JARID2: variants seen among roughly 807,000 people sequenced by gnomAD.
JARID2 encodes protein Jumonji.
JARID2 carries 21 observed loss-of-function variants against 125.6 expected under a neutral mutation model. That is an observed-to-expected ratio of 0.17 (90% confidence interval 0.12 to 0.24). The LOEUF is 0.24. Among genes scored for constraint, JARID2 ranks in the 10% least tolerant of loss-of-function variants. The pLI is 1.00. For synonymous variants in JARID2, 736 were observed against 661.6 expected, an observed-to-expected ratio of 1.11 and a Z score of -1.73; for missense variants, 1,303 against 1,639.6, an observed-to-expected ratio of 0.79 and a Z score of 3.55.
intron 1 of JARID2, among the ~76,000 whole-genome samples, chr6:15,322,053 G>A (rs945901212): frequency 5.3e-5 from 8 of 152,238 alleles, no homozygotes; most frequent in African/African-American, 1.4e-4. Context: ...CCAAAGTGCT[G>A]TAATTACAGG....
At chr6:15,519,579 A>G (rs1045254903) in intron 17 of JARID2, among the ~76,000 whole-genome samples, 68 of 152,350 alleles carry the variant, frequency 4.5e-4, no homozygotes, top group Middle Eastern at 3.4e-3. Flanking sequence ...AGTTACAAAC[A>G]CAGTTTTTGG....
intron 1 of JARID2, among the ~76,000 whole-genome samples, chr6:15,314,109 C>G (rs1036396534): frequency 1.3e-5 from 2 of 152,088 alleles, no homozygotes; most frequent in Non-Finnish European, 2.9e-5. Context: ...GTCAAAGGGA[C>G]GGGCTTAAGG....
chr6:15,393,046 A>T (rs1765083391), intron 2 of JARID2, among the ~76,000 whole-genome samples: 1 of 152,132 alleles, frequency 6.6e-6, no homozygotes, highest in Non-Finnish European at 1.5e-5. Flanking sequence ...GCGTGGATAG[A>T]GGCTATCAGT....
intron 3 of JARID2, among the ~76,000 whole-genome samples, chr6:15,439,114 A>G (rs891210083): frequency 6.6e-6 from 1 of 152,136 alleles, no homozygotes; most frequent in African/African-American, 2.4e-5. Context: ...ACCCAGCTAC[A>G]GTGCCTCTCA....
intron 1 of JARID2, among the ~76,000 whole-genome samples, chr6:15,335,070 T>C (rs1390209463): frequency 2.6e-5 from 4 of 152,190 alleles, no homozygotes; most frequent in Non-Finnish European, 4.4e-5. Context: ...CCAGGGGATA[T>C]TCAGTCCACA....
intron 1 of JARID2, among the ~76,000 whole-genome samples, chr6:15,265,933 A>G (rs1192713525): frequency 2.0e-5 from 3 of 152,086 alleles, no homozygotes; most frequent in Non-Finnish European, 4.4e-5. Flanking sequence ...TACGGTTTTG[A>G]AAGTGGAGCT....
intron 5 of JARID2, among the ~76,000 whole-genome samples, chr6:15,469,408 C>T (rs1465272573): frequency 1.9e-5 from 2 of 107,148 alleles, no homozygotes; most frequent in Middle Eastern, 4.9e-3. Flanking sequence ...CCCTCTCCCC[C>T]TCTCCGCTTC....
chr6:15,321,364 G>A (rs564623138), intron 1 of JARID2, among the ~76,000 whole-genome samples: 51 of 152,202 alleles, frequency 3.4e-4, no homozygotes, highest in Non-Finnish European at 6.0e-4. Context: ...GAACTCACAT[G>A]TAGTATTAAT....
intron 1 of JARID2, among the ~76,000 whole-genome samples, chr6:15,300,027 T>G (rs1761548606): frequency 6.6e-6 from 1 of 152,162 alleles, no homozygotes; most frequent in South Asian, 2.1e-4. Context: ...AATGTCCCCA[T>G]TCTTCTATGA....
chr6:15,432,570 C>T (rs1333968021), intron 3 of JARID2, among the ~76,000 whole-genome samples: 2 of 152,224 alleles, frequency 1.3e-5, no homozygotes, highest in African/African-American at 4.8e-5. Flanking sequence ...CAAATACCCT[C>T]TAGAGGTTTC....
intron 5 of JARID2, among the ~76,000 whole-genome samples, chr6:15,479,566 A>G (rs1284176656): frequency 6.6e-6 from 1 of 152,254 alleles, no homozygotes; most frequent in Non-Finnish European, 1.5e-5. Context: ...ATTGGCTTTA[A>G]ACATTCTATT....
At chr6:15,498,491 T>C (rs1013167008) in intron 7 of JARID2, among the ~76,000 whole-genome samples, 1 of 152,200 alleles carries the variant, frequency 6.6e-6, no homozygotes, top group African/African-American at 2.4e-5. Context: ...GCTAAGTGGA[T>C]TCTGTGGAGT....
chr6:15,460,407 A>T (rs983659234), intron 4 of JARID2, among the ~76,000 whole-genome samples: 1 of 152,158 alleles, frequency 6.6e-6, no homozygotes, highest in Non-Finnish European at 1.5e-5. Context: ...TACTTCTCAG[A>T]GTCATCTCTG....
Position 15,496,179 on chromosome 6 carries a change from T to G in JARID2, c.954T>G (p.Gly318=), listed in dbSNP as rs770973829. Residue 318 remains glycine, a synonymous_variant, in exon 7 of 18, where the codon GGT becomes GGG. Coordinates refer to ENST00000341776, the MANE Select transcript of JARID2 (RefSeq NM_004973.4). ...CTCGAATGTCATCTCTGGGTGCAGG[T>G]GTAACCAGTGCCAAAAAGATGCGCG... ...GVTRMSSLGA[G]VTSAKKMREV... 1.2e-6 allele frequency: 2 copies of G among 1,613,908 alleles called. No individual in the cohort carries two copies. The highest frequency in any genetic ancestry group is 1.7e-6 in the Non-Finnish European group (2 of 1,180,012).
chr6:15,510,313 C>A (rs963123502), intron 12 of JARID2, among the ~76,000 whole-genome samples: 2 of 152,158 alleles, frequency 1.3e-5, no homozygotes, highest in African/African-American at 4.8e-5. Context: ...GCAGCCATCC[C>A]TGCACCCCTG....
At chr6:15,281,225 T>A (rs558368909) in intron 1 of JARID2, among the ~76,000 whole-genome samples, 1 of 152,228 alleles carries the variant, frequency 6.6e-6, no homozygotes, top group African/African-American at 2.4e-5. Context: ...GCAACCCTTT[T>A]ATTCTAATAA....
intron 6 of JARID2, among the ~76,000 whole-genome samples, chr6:15,490,538 G>A (rs1438580361): frequency 6.6e-6 from 1 of 152,310 alleles, no homozygotes; most frequent in African/African-American, 2.4e-5. Flanking sequence ...CTTGGTGAGA[G>A]GGCTCTGGCC....
chr6:15,380,163 G>A (rs1439490468), intron 2 of JARID2, among the ~76,000 whole-genome samples: 2 of 151,948 alleles, frequency 1.3e-5, no homozygotes, highest in African/African-American at 4.8e-5. Flanking sequence ...AGTCTCCCGA[G>A]TAGCTGGGAT....
In JARID2 at chr6:15,288,459, A is replaced by T. The variant is rs539020917; in HGVS notation, c.45+41875A>T. Among the ~76,000 whole-genome samples the T allele has an allele frequency of 1.3e-4, 20 of 152,360 alleles. No homozygotes were observed. The South Asian group carries it at 3.9e-3, about 30-fold the overall frequency. Reference sequence around the variant, plus strand: ...CAGGCCCTGTCCCCCAACACTGGACATTACATTTCAACATGAAATTTGAGT... The same window carrying T: ...CAGGCCCTGTCCCCCAACACTGGACTTTACATTTCAACATGAAATTTGAGT... On this transcript the variant is annotated intron_variant, in intron 1 of 17. Coordinates refer to ENST00000341776, the MANE Select transcript of JARID2 (RefSeq NM_004973.4).
Sources: allele counts gnomAD v4.1 joint callset (sites outside exome capture counted in the v4.1 genomes callset), GRCh38; gene constraint gnomAD v4.1.1; transcripts MANE v1.5; gene names NCBI Gene and HGNC (gene_info 2026-07-23, HGNC 2026-07-21).